Variants in TACC1 observed in about 807,000 individuals in gnomAD.
TACC1 encodes transforming acidic coiled-coil-containing protein 1.
Under a neutral mutation model 84.4 loss-of-function variants are expected in TACC1, and 48 were observed. That is an observed-to-expected ratio of 0.57 (90% CI 0.45 to 0.72). The LOEUF is 0.72. Ranked by LOEUF, TACC1 falls within the 30% of genes least tolerant of loss-of-function variation. The pLI, the probability that TACC1 is intolerant of heterozygous loss-of-function variation, is 0.00. For synonymous variants in TACC1, 372 were observed against 376.3 expected, an observed-to-expected ratio of 0.99 and a Z score of 0.13; for missense variants, 920 against 973.0, an observed-to-expected ratio of 0.95 and a Z score of 0.72.
chr8:38,851,393 C>T lies in TACC1; in HGVS notation c.*3370C>T, dbSNP rs532466842. 6.5e-6 allele frequency: 1 copy of T among 153,666 alleles called. No homozygotes were observed. Among genetic ancestry groups the T allele is most frequent in the Non-Finnish European group, 1.5e-5 (1 of 68,912 alleles). 9.5% of individuals were successfully genotyped at this position (153,666 alleles called of 1,614,324 possible). ...GAGTGTAAACTGCCCCCAGATGTTCCTGGGCTGGGTAAAAGCAGCTGGAGT... is the reference window on the plus strand; with the variant it reads ...GAGTGTAAACTGCCCCCAGATGTTCTTGGGCTGGGTAAAAGCAGCTGGAGT... On this transcript the variant is annotated 3_prime_UTR_variant, in exon 13 of 13. Coordinates refer to ENST00000317827, the MANE Select transcript of TACC1 (RefSeq NM_006283.3).
upstream of TACC1, among the ~76,000 whole-genome samples, chr8:38,783,106 C>CTATCTA (rs1393110234): frequency 7.9e-4 from 69 of 87,434 alleles, no homozygotes; most frequent in East Asian, 1.2e-3. Context: ...ATCTATCTAT[C>CTATCTA]TATATATATA....
rs775870393 is a variant in TACC1 at position 38,819,595 on chromosome 8, T to G, written c.351T>G (p.Pro117=). 1 of 1,614,096 alleles carries G rather than the reference T, an allele frequency of 6.2e-7. No individual in the cohort carries two copies. Among genetic ancestry groups the G allele is most frequent in the Non-Finnish European group, 8.5e-7 (1 of 1,180,040 alleles). ...EKCSSKTCSK[P]SENEVPQQAI... ...GTTCATCTAAGACTTGTTCTAAACC[T>G]TCAGAAAATGAAGTGCCACAGCAGG... The change falls in exon 3 of 13, where the codon CCT becomes CCG. Residue 117 remains proline (P), a synonymous_variant. Transcript: ENST00000317827.
At chr8:38,831,263 G>T in intron 6 of TACC1, 86 bp downstream of exon 6, 1 of 1,349,960 alleles carries the variant, frequency 7.4e-7, no homozygotes, top group Non-Finnish European at 1.1e-6. Flanking sequence ...TTAAATTCTG[G>T]TCAGTGTTAG....
At chr8:38,773,520 T>A (rs1814097151) in intron 3 of TACC1, among the ~76,000 whole-genome samples, 1 of 151,062 alleles carries the variant, frequency 6.6e-6, no homozygotes, top group Non-Finnish European at 1.5e-5. Context: ...ATACATATTG[T>A]CTTTTGCCAA....
Position 38,848,321 on chromosome 8 carries a change from G to T in TACC1, c.*298G>T. The T allele has an allele frequency of 4.0e-6, 1 of 249,100 alleles. No individual in the cohort carries two copies. Among genetic ancestry groups the T allele is most frequent in the Non-Finnish European group, 7.6e-6 (1 of 131,980 alleles). The allele number at this position is 249,100 out of a possible 1,614,324, so 15.4% of individuals were successfully genotyped here. A position where few individuals can be genotyped will look rare whatever the true frequency, so the allele number is the denominator to read the frequency against. ...TGGGTTTGTGATTTATCTTTAGTTT[G>T]TTTTAAAGTCATCTTTACTTTCCCA... On this transcript the variant is annotated 3_prime_UTR_variant, in exon 13 of 13. Transcript: ENST00000317827.
rs535075019 is a variant in TACC1 at position 38,753,773 on chromosome 8, G to A, written c.26+8280G>A. Among the ~76,000 whole-genome samples the A allele has an allele frequency of 6.6e-5, 10 of 152,210 alleles. No homozygotes were observed. In the South Asian group the frequency reaches 1.0e-3, roughly 16 times the overall value. On this transcript the variant is annotated intron_variant, in intron 3 of 14. Transcript: ENST00000518415. ...TAAAGCAAAACCAGCCAACACACAA[G>A]CATCTTTGCAGAGATGCCCTTTGGG...
intron 2 of TACC1, among the ~76,000 whole-genome samples, chr8:38,801,628 A>C (rs575471461): frequency 1.3e-5 from 2 of 152,296 alleles, no homozygotes. Flanking sequence ...ATAGCTTTGT[A>C]GTAAGTTTTG....
intron 2 of TACC1, among the ~76,000 whole-genome samples, chr8:38,795,859 G>A (rs1819841513): frequency 2.0e-5 from 3 of 152,176 alleles, no homozygotes; most frequent in Admixed American, 6.5e-5. Context: ...TAGATCCCCA[G>A]GGTTTAGATT....
At chr8:38,751,715 A>G (rs572271828) in intron 3 of TACC1, among the ~76,000 whole-genome samples, 78 of 152,322 alleles carry the variant, frequency 5.1e-4, no homozygotes, top group African/African-American at 1.8e-3. Flanking sequence ...TAGTGTAAAC[A>G]TAACTTTTAT....
At chr8:38,756,851 C>G (rs1810137201) in intron 3 of TACC1, among the ~76,000 whole-genome samples, 1 of 150,744 alleles carries the variant, frequency 6.6e-6, no homozygotes, top group Admixed American at 6.5e-5. Context: ...TCCCCTGACC[C>G]CGTCACACAC....
At chr8:38,840,161 T>G in intron 8 of TACC1, 63 bp from the exon 9 acceptor site, 1 of 1,302,028 alleles carries the variant, frequency 7.7e-7, no homozygotes, top group Non-Finnish European at 1.1e-6. Flanking sequence ...TGGGACAGCA[T>G]TTCTCCAACT....
Position 38,732,435 on chromosome 8 carries a change from A to AAC in TACC1, c.-675+3765_-675+3766insCA, listed in dbSNP as rs1294781769. ...TGATTTAAAACAACAACAACAACAA[A>AAC]AAAAAACCCAGGAGATCAAGACTTA... On this transcript the variant is annotated intron_variant, in intron 1 of 14. Transcript: ENST00000518415. 1.9e-3 allele frequency among the ~76,000 whole-genome samples: 289 copies of AAC among 151,956 alleles called. 2 individuals are homozygous for AAC. Among genetic ancestry groups the AAC allele is most frequent in the Middle Eastern group, 0.01 (3 of 294 alleles).
chr8:38,766,018 C>T (rs888831697), intron 3 of TACC1, among the ~76,000 whole-genome samples: 3 of 152,148 alleles, frequency 2.0e-5, no homozygotes, highest in Non-Finnish European at 4.4e-5. Flanking sequence ...TTTTCAGGGA[C>T]AGTCTTTAGA....
intron 2 of TACC1, among the ~76,000 whole-genome samples, chr8:38,795,262 A>C (rs1461091431): frequency 6.6e-6 from 1 of 152,216 alleles, no homozygotes; most frequent in Non-Finnish European, 1.5e-5. Flanking sequence ...TGAATAAAAA[A>C]TTCCAGGGCA....
At chr8:38,777,982 T>C (rs529116255) in intron 3 of TACC1, among the ~76,000 whole-genome samples, 78 of 152,308 alleles carry the variant, frequency 5.1e-4, no homozygotes, top group Admixed American at 2.3e-3. Flanking sequence ...AAATGATGGA[T>C]ACAGATGGAT....
At chr8:38,747,968 G>A (rs1808370191) in intron 3 of TACC1, among the ~76,000 whole-genome samples, 2 of 151,912 alleles carry the variant, frequency 1.3e-5, no homozygotes, top group Admixed American at 1.3e-4. Flanking sequence ...GGGTGTGTGG[G>A]AACTGTCTGT....
chr8:38,731,376 A>G (rs1804891320), intron 1 of TACC1, among the ~76,000 whole-genome samples: 1 of 152,216 alleles, frequency 6.6e-6, no homozygotes, highest in African/African-American at 2.4e-5. Context: ...CTTCAAAATA[A>G]TATCCTCTGG....
intron 7 of TACC1, among the ~76,000 whole-genome samples, chr8:38,836,995 A>G (rs184574798): frequency 6.6e-6 from 1 of 152,026 alleles, no homozygotes; most frequent in East Asian, 1.9e-4. Flanking sequence ...TAAGCACCTC[A>G]GCTGTAGGTC....
chr8:38,740,826 T>C (rs1304634626), intron 1 of TACC1, among the ~76,000 whole-genome samples: 1 of 152,240 alleles, frequency 6.6e-6, no homozygotes, highest in Non-Finnish European at 1.5e-5. Flanking sequence ...CGCAGGAAGA[T>C]GGAAAACTTT....
Sources: gnomAD v4.1 joint callset for allele counts (sites outside exome capture counted in the v4.1 genomes callset) on GRCh38, gnomAD v4.1.1 for gene constraint, MANE v1.5 for transcripts, NCBI Gene and HGNC (gene_info 2026-07-23, HGNC 2026-07-21) for gene names.